Variants in PCDHGA3 observed in about 807,000 individuals in gnomAD.
The protein encoded by PCDHGA3 is protocadherin gamma subfamily A, 3, also known as protocadherin gamma-A3.
Under a neutral mutation model 58.5 loss-of-function variants are expected in PCDHGA3, and 40 were observed. That is an observed-to-expected ratio of 0.68 (90% CI 0.53 to 0.89). The LOEUF (loss-of-function observed/expected upper bound fraction) is 0.89. Ranked by LOEUF, PCDHGA3 falls within the 40% of genes least tolerant of loss-of-function variation. The pLI, the probability that PCDHGA3 is intolerant of heterozygous loss-of-function variation, is 0.00. For synonymous variants in PCDHGA3, 530 were observed against 525.7 expected, an observed-to-expected ratio of 1.01 and a Z score of -0.11; for missense variants, 1,223 against 1,195.9, an observed-to-expected ratio of 1.02 and a Z score of -0.33.
rs778246278 is a variant in PCDHGA3 at position 141,491,522 on chromosome 5, A to C, written c.2425-3285A>C. The C allele has an allele frequency of 6.2e-6, 10 of 1,614,024 alleles. No individual in the cohort carries two copies. The highest frequency in any genetic ancestry group is 8.5e-6 in the Non-Finnish European group (10 of 1,180,002). ...TCGGACGGCACGCTCAAGTACATGGAGGTGACGCTGCGGCCCACAGACTCG... is the reference window on the plus strand; with the variant it reads ...TCGGACGGCACGCTCAAGTACATGGCGGTGACGCTGCGGCCCACAGACTCG... On this transcript the variant is annotated intron_variant, in intron 1 of 3. Coordinates refer to ENST00000253812, the MANE Select transcript of PCDHGA3 (RefSeq NM_018916.4). The surrounding 1 kb of genome is among the most constrained non-coding windows in gnomAD (Gnocchi z 6.9).
intron 1 of PCDHGA3, chr5:141,362,189 A>G (rs745893208): frequency 5.6e-6 from 9 of 1,613,796 alleles, no homozygotes; most frequent in Non-Finnish European, 3.4e-6. Context: ...TCTGACCCCC[A>G]GGCAAAACTG....
chr5:141,495,900 G>A (rs1403705200), intron 2 of PCDHGA3, among the ~76,000 whole-genome samples: 2 of 151,894 alleles, frequency 1.3e-5, no homozygotes, highest in East Asian at 1.9e-4. Context: ...CTTTGTCTCT[G>A]TCTCTGTATA....
At chr5:141,442,629 A>G (rs959326665) in intron 1 of PCDHGA3, among the ~76,000 whole-genome samples, 2 of 152,248 alleles carry the variant, frequency 1.3e-5, no homozygotes, top group African/African-American at 4.8e-5. Context: ...TTCTAGCAGC[A>G]AGACCAAAGG....
At chr5:141,360,030 A>T in intron 1 of PCDHGA3, 6 of 1,381,784 alleles carry the variant, frequency 4.3e-6, no homozygotes, top group Non-Finnish European at 5.8e-6. Flanking sequence ...GCCAGTATAG[A>T]TTCGGAAACA....
Position 141,477,029 on chromosome 5 carries a change from A to G in PCDHGA3, c.2425-17778A>G. 6.2e-7 allele frequency: 1 copy of G among 1,614,238 alleles called. No homozygotes were observed. The highest frequency in any genetic ancestry group is 8.5e-7 in the Non-Finnish European group (1 of 1,180,040). ...CTTAGACCTTGTAACCGGGATGCTG[A>G]CAATCAAGGGTCGGCTGGACTTCGA... On this transcript the variant is annotated intron_variant, in intron 1 of 3. Coordinates refer to ENST00000253812, the MANE Select transcript of PCDHGA3 (RefSeq NM_018916.4). The surrounding 1 kb of genome is among the most constrained non-coding windows in gnomAD (Gnocchi z 4.9).
chr5:141,392,614 C>T (rs1000219739), intron 1 of PCDHGA3: 3 of 532,708 alleles, frequency 5.6e-6, no homozygotes, highest in African/African-American at 1.9e-5. Flanking sequence ...ACAAATGCAA[C>T]CGAAAACACT....
In PCDHGA3 at chr5:141,389,714, C is replaced by T. The variant is rs771532940; in HGVS notation, c.2424+43257C>T. Reference sequence around the variant, plus strand: ...TGTCCTACCACGTGCTGCAGGCTAGCGAGCCCGGGCTCTTCAGCCTGGGGC... The same window carrying T: ...TGTCCTACCACGTGCTGCAGGCTAGTGAGCCCGGGCTCTTCAGCCTGGGGC... On this transcript the variant is annotated intron_variant, in intron 1 of 3. Transcript: ENST00000253812. 9 of 1,612,418 alleles carry T rather than the reference C, an allele frequency of 5.6e-6. No individual in the cohort carries two copies. In the Admixed American group the frequency reaches 1.2e-4, roughly 21 times the overall value.
intron 1 of PCDHGA3, chr5:141,417,831 C>T: frequency 5.2e-6 from 8 of 1,526,966 alleles, no homozygotes; most frequent in Non-Finnish European, 7.1e-6. Flanking sequence ...ACTGGAAAAG[C>T]GGGGACCCAG....
intron 1 of PCDHGA3, chr5:141,394,240 C>G (rs1392586422): frequency 6.2e-7 from 1 of 1,613,822 alleles, no homozygotes; most frequent in African/African-American, 1.3e-5. Flanking sequence ...TCCTTGACTG[C>G]ACACGACCCC....
intron 1 of PCDHGA3, among the ~76,000 whole-genome samples, chr5:141,448,985 A>G (rs2098621528): frequency 6.6e-6 from 1 of 152,026 alleles, no homozygotes; most frequent in South Asian, 2.1e-4. Context: ...TTCCATATTA[A>G]TATATAGAAA....
intron 1 of PCDHGA3, chr5:141,419,517 G>A: frequency 6.2e-7 from 1 of 1,612,224 alleles, no homozygotes; most frequent in South Asian, 1.1e-5. Context: ...GTGTTGGTGG[G>A]CGACCGTAAC....
Position 141,468,837 on chromosome 5 carries a change from G to A in PCDHGA3, c.2425-25970G>A, listed in dbSNP as rs550455857. ...GCCAAGATCAAGCCACTGCACTCCA[G>A]CCTGGGCAACAGAGCGAGACTCCAT... On this transcript the variant is annotated intron_variant, in intron 1 of 3. Transcript: ENST00000253812. 3.3e-5 allele frequency among the ~76,000 whole-genome samples: 5 copies of A among 152,228 alleles called. No homozygotes were observed. The East Asian group carries it at 9.7e-4, about 29-fold the overall frequency.
At chr5:141,415,462 C>T in intron 1 of PCDHGA3, 1 of 1,614,220 alleles carries the variant, frequency 6.2e-7, no homozygotes. Context: ...CGAGGTCTCT[C>T]TCACCGCGGA....
In PCDHGA3 at chr5:141,372,255, C is replaced by T. The variant is rs1309371884; in HGVS notation, c.2424+25798C>T. 3.7e-6 allele frequency: 6 copies of T among 1,613,018 alleles called. No individual in the cohort carries two copies. The East Asian group carries it at 1.1e-4, about 30-fold the overall frequency. On this transcript the variant is annotated intron_variant, in intron 1 of 3. Coordinates refer to ENST00000253812, the MANE Select transcript of PCDHGA3 (RefSeq NM_018916.4). ...CGAGCCCGGGCTGTTCAGCCTGGGCCTGCGCACGGGTGAGGTGCGCACGGC... is the reference window on the plus strand; with the variant it reads ...CGAGCCCGGGCTGTTCAGCCTGGGCTTGCGCACGGGTGAGGTGCGCACGGC...
rs541159563 is a variant in PCDHGA3, at chr5:141,383,854, G to A, written c.2424+37397G>A. 2.3e-5 allele frequency: 37 copies of A among 1,613,942 alleles called. No homozygotes were observed. The South Asian group carries it at 3.4e-4, about 15-fold the overall frequency. Reference sequence around the variant, plus strand: ...AGAAACTGCCTTCTATGAAATGGAGGTTCAGGCTCAAGATGGTCCTGGTAG... The same window carrying A: ...AGAAACTGCCTTCTATGAAATGGAGATTCAGGCTCAAGATGGTCCTGGTAG... On this transcript the variant is annotated intron_variant, in intron 1 of 3. Transcript: ENST00000253812.
At position 141,489,720 on chromosome 5, in the gene PCDHGA3, G is replaced by T. The variant is rs560729125; in HGVS notation, c.2425-5087G>T. 1.9e-6 allele frequency: 3 copies of T among 1,614,200 alleles called. No individual in the cohort carries two copies. Among genetic ancestry groups the T allele is most frequent in the Middle Eastern group, 1.6e-4 (1 of 6,062 alleles). ...TCCCACTGGACAGTGCCCAGGATCC[G>T]GATGTGGGCACCAATACTGTGAGCT... On this transcript the variant is annotated intron_variant, in intron 1 of 3. Transcript: ENST00000253812. This position sits in a 1 kb window ranked among gnomAD's most constrained non-coding sequence, Gnocchi z 4.5.
In PCDHGA3 at chr5:141,344,319, T is replaced by G. The variant is rs1355336441; in HGVS notation, c.286T>G (p.Cys96Gly). The change falls in exon 1 of 4, where the codon TGC becomes GGC. Residue 96 changes from cysteine (C) to glycine (G), a missense_variant. By Grantham distance (159) the Cys-to-Gly change is radical (BLOSUM62 -3). This residue lies in a region of PCDHGA3 where 791 missense variants were observed against 708.5 expected (regional missense o/e 1.12). Coordinates refer to ENST00000253812, the MANE Select transcript of PCDHGA3 (RefSeq NM_018916.4). ...TAERIDREEL[C>G]AQIPLCLVKI... ...GGAGAGGATAGACCGGGAGGAGCTC[T>G]GCGCTCAGATCCCGCTGTGTCTGGT... 5.0e-6 allele frequency: 8 copies of G among 1,614,066 alleles called. No homozygotes were observed. The highest frequency in any genetic ancestry group is 6.8e-6 in the Non-Finnish European group (8 of 1,179,924).
At chr5:141,458,081 GTAAGT>G (rs2098936973) in intron 1 of PCDHGA3, among the ~76,000 whole-genome samples, 1 of 152,186 alleles carries the variant, frequency 6.6e-6, no homozygotes, top group Non-Finnish European at 1.5e-5. Context: ...CTATATTGCC[GTAAGT>G]TAAGAGTACT....
At chr5:141,400,233 C>A (rs373858401) in intron 1 of PCDHGA3, 2 of 1,613,988 alleles carry the variant, frequency 1.2e-6, no homozygotes, top group African/African-American at 1.3e-5. Flanking sequence ...TCCTCCTGGC[C>A]GTGATTCTGG....
Sources: allele counts gnomAD v4.1 joint callset (sites outside exome capture counted in the v4.1 genomes callset), GRCh38; gene constraint gnomAD v4.1.1; regional missense constraint gnomAD v4.1.1; non-coding constraint Gnocchi (gnomAD v3.1); transcripts MANE v1.5; gene names NCBI Gene and HGNC (gene_info 2026-07-23, HGNC 2026-07-21).